The following ASAP2 variants were observed in gnomAD, a reference collection of about 807,000 sequenced individuals.
The protein encoded by ASAP2 is ArfGAP with SH3 domain, ankyrin repeat and PH domain 2.
Under a neutral mutation model 131.4 loss-of-function variants are expected in ASAP2, and 45 were observed. The ratio of observed to expected loss-of-function variants is 0.34; its 90% CI spans 0.27 to 0.44. The LOEUF is 0.44. ASAP2 is among the 20% of genes least tolerant of loss of function. The pLI is 1.00. For missense variants in ASAP2, 1,011 were observed against 1,297.0 expected (o/e 0.78, Z 3.39); for synonymous variants, 510 against 503.0 (o/e 1.01, Z -0.19).
chr2:9,333,588 G>A (rs1310799695), intron 7 of ASAP2, among the ~76,000 whole-genome samples: 1 of 152,144 alleles, frequency 6.6e-6, no homozygotes, highest in Non-Finnish European at 1.5e-5. Flanking sequence ...AGAGGGCCAG[G>A]GGCAGGAGAA....
rs1293479784 is a variant in ASAP2, at chr2:9,393,463, C to T, written c.2519-19C>T. On this transcript the variant is annotated intron_variant, in intron 23 of 27. Coordinates refer to ENST00000281419, the MANE Select transcript of ASAP2 (RefSeq NM_003887.3). Reference sequence around the variant, plus strand: ...GCCTGGCGGCTGACCCTCTGCACGTCTCTCCCTGTCCTCCGCAGATCCCCT... The same window carrying T: ...GCCTGGCGGCTGACCCTCTGCACGTTTCTCCCTGTCCTCCGCAGATCCCCT... 6.3e-7 allele frequency: 1 copy of T among 1,590,102 alleles called. No homozygotes were observed. The highest frequency in any genetic ancestry group is 8.6e-7 in the Non-Finnish European group (1 of 1,166,614).
intron 3 of ASAP2, among the ~76,000 whole-genome samples, chr2:9,317,527 C>T (rs1669827509): frequency 6.7e-6 from 1 of 149,014 alleles, no homozygotes; most frequent in African/African-American, 2.5e-5. Flanking sequence ...ACACCCCACA[C>T]TCAAATCCAC....
chr2:9,353,071 A>G (rs946170034), intron 12 of ASAP2, among the ~76,000 whole-genome samples: 5 of 152,162 alleles, frequency 3.3e-5, no homozygotes, highest in African/African-American at 1.2e-4. Flanking sequence ...TACCCCAGAG[A>G]GTCATCACAG....
At chr2:9,276,415 A>G (rs1404152316) in intron 1 of ASAP2, among the ~76,000 whole-genome samples, 1 of 152,216 alleles carries the variant, frequency 6.6e-6, no homozygotes, top group African/African-American at 2.4e-5. Flanking sequence ...CCAGAGAAGC[A>G]GGCAGAGCTC....
chr2:9,390,731 T>G (rs1242385865), intron 22 of ASAP2, among the ~76,000 whole-genome samples: 1 of 152,216 alleles, frequency 6.6e-6, no homozygotes, highest in South Asian at 2.1e-4. Flanking sequence ...AAGCTCCAAG[T>G]GCAGTGTTCG....
At chr2:9,346,472 A>G (rs1038061032) in intron 11 of ASAP2, among the ~76,000 whole-genome samples, 10 of 151,796 alleles carry the variant, frequency 6.6e-5, no homozygotes, top group Non-Finnish European at 1.5e-4. Context: ...CCATGCGTGG[A>G]TGTGAGGGTA....
In ASAP2 at chr2:9,403,294, C is replaced by T; in HGVS notation, c.2988C>T (p.Phe996=). The change falls in exon 28 of 28, where the codon TTC becomes TTT. Residue 996 remains phenylalanine, a synonymous_variant. Coordinates refer to ENST00000281419, the MANE Select transcript of ASAP2 (RefSeq NM_003887.3). Reference sequence around the variant, plus strand: ...GAGATCCTGGTCGCAAAGGCGCATTCCCGGTGTCATTTGTGCACTTTATCG... The same window carrying T: ...GAGATCCTGGTCGCAAAGGCGCATTTCCGGTGTCATTTGTGCACTTTATCG... ...IDGDPGRKGA[F]PVSFVHFIAD is the part of the protein sequence containing the mutation. 1.2e-6 allele frequency: 2 copies of T among 1,614,160 alleles called. No individual in the cohort carries two copies. The highest frequency in any genetic ancestry group is 1.7e-6 in the Non-Finnish European group (2 of 1,180,032).
intron 3 of ASAP2, among the ~76,000 whole-genome samples, chr2:9,306,057 TGAGG>T: frequency 8.7e-6 from 1 of 114,666 alleles, no homozygotes; most frequent in African/African-American, 3.5e-5. Context: ...AGTATCGATA[TGAGG>T]TAGAGAGGCT....
chr2:9,401,456 G>A (rs1047869510), intron 27 of ASAP2, 60 bp downstream of exon 27: 151 of 1,586,160 alleles, frequency 9.5e-5, no homozygotes, highest in Non-Finnish European at 1.1e-4. Context: ...TGCCCACCTG[G>A]CTGGAGAGAC....
chr2:9,238,137 C>T (rs1255668048), intron 1 of ASAP2, among the ~76,000 whole-genome samples: 1 of 152,178 alleles, frequency 6.6e-6, no homozygotes, highest in Admixed American at 6.5e-5. Flanking sequence ...TTAGCTGACC[C>T]GCTACCTACT....
chr2:9,284,194 T>G lies in ASAP2; in HGVS notation c.199+4805T>G, dbSNP rs943724473. Among the ~76,000 whole-genome samples the G allele has an allele frequency of 3.3e-5, 5 of 152,236 alleles. No individual in the cohort carries two copies. In the South Asian group the frequency reaches 1.0e-3, roughly 31 times the overall value. On this transcript the variant is annotated intron_variant, in intron 2 of 27. Coordinates refer to ENST00000281419, the MANE Select transcript of ASAP2 (RefSeq NM_003887.3). ...AGTTCCAGGGATTAGGAGGTGGGCA[T>G]CTGGTGGTGGAGGAGACGTTATTCT...
chr2:9,272,471 T>G (rs1420702744), intron 1 of ASAP2, among the ~76,000 whole-genome samples: 2 of 152,270 alleles, frequency 1.3e-5, no homozygotes, highest in Admixed American at 6.5e-5. Context: ...CCTTGTCAGA[T>G]GGATAGTTTG....
intron 2 of ASAP2, among the ~76,000 whole-genome samples, chr2:9,284,183 G>A (rs1240292214): frequency 6.6e-6 from 1 of 152,234 alleles, no homozygotes; most frequent in Non-Finnish European, 1.5e-5. Context: ...CCAGGGATTA[G>A]GAGGTGGGCA....
At position 9,356,364 on chromosome 2, in the gene ASAP2, C is replaced by G; in HGVS notation, c.1327+19C>G. 1.3e-6 allele frequency: 2 copies of G among 1,562,664 alleles called. No individual in the cohort carries two copies. The highest frequency in any genetic ancestry group is 3.4e-4 in the Middle Eastern group (2 of 5,802). ...GCGCCAGGTGACCCAGGGACCCCAC[C>G]CGACCCTGGGCTCTAGGACATTTCA... On this transcript the variant is annotated intron_variant, in intron 14 of 27. Transcript: ENST00000281419.
In ASAP2 at chr2:9,391,201, G is replaced by GA. The variant is rs1462905471; in HGVS notation, c.2518+5_2518+6insA. ...CTCTTCGCGTGACATCTACCAGTAC[G>GA]TTTTTTTCCTTTTTCCTTTCTTGCC... On this transcript the variant is annotated splice_donor_region_variant and intron_variant, in intron 23 of 27. Coordinates refer to ENST00000281419, the MANE Select transcript of ASAP2 (RefSeq NM_003887.3). 6.2e-7 allele frequency: 1 copy of GA among 1,609,164 alleles called. No homozygotes were observed. Among genetic ancestry groups the GA allele is most frequent in the South Asian group, 1.1e-5 (1 of 90,586 alleles).
chr2:9,209,599 T>A (rs4669380), intron 1 of ASAP2, among the ~76,000 whole-genome samples: 1 of 152,268 alleles, frequency 6.6e-6, no homozygotes, highest in Non-Finnish European at 1.5e-5. Flanking sequence ...TACGGAGTTT[T>A]GCTCTTGTTG....
chr2:9,313,648 C>T (rs1191918017), intron 3 of ASAP2, among the ~76,000 whole-genome samples: 1 of 152,212 alleles, frequency 6.6e-6, no homozygotes, highest in African/African-American at 2.4e-5. Context: ...ACAGCATTGG[C>T]TCCCAGCCAG....
intron 1 of ASAP2, among the ~76,000 whole-genome samples, chr2:9,222,853 G>T (rs77904775): frequency 1.3e-5 from 2 of 152,082 alleles, no homozygotes; most frequent in African/African-American, 2.4e-5. Flanking sequence ...TTTCCTTGGG[G>T]ACTGGGATGC....
At chr2:9,235,861 G>A (rs1166710538) in intron 1 of ASAP2, among the ~76,000 whole-genome samples, 1 of 152,174 alleles carries the variant, frequency 6.6e-6, no homozygotes, top group East Asian at 1.9e-4. Flanking sequence ...TGAATGGCAA[G>A]GGCAGTGGGC....
Sources: gnomAD v4.1 joint callset for allele counts (sites outside exome capture counted in the v4.1 genomes callset) on GRCh38, gnomAD v4.1.1 for gene constraint, MANE v1.5 for transcripts, NCBI Gene and HGNC (gene_info 2026-07-23, HGNC 2026-07-21) for gene names.